The following IZUMO4 variants were observed in gnomAD, a reference collection of about 807,000 sequenced individuals.
IZUMO4 encodes IZUMO family member 4.
A neutral mutation model predicts 37.1 loss-of-function variants in IZUMO4; 51 were observed. The ratio of observed to expected loss-of-function variants is 1.38; its 90% confidence interval spans 1.10 to 1.74. The LOEUF is 1.74. Ranked by LOEUF, IZUMO4 falls within the 40% of genes most tolerant of loss-of-function variation. The probability of loss-of-function intolerance (pLI) is 0.00; values close to 1 mark genes in which losing one functional copy is unlikely to be tolerated. For missense variants in IZUMO4, 364 were observed against 299.6 expected, an observed-to-expected ratio of 1.21 and a Z score of -1.59; for synonymous variants, 162 against 121.4, an observed-to-expected ratio of 1.33 and a Z score of -2.20.
At position 2,099,400 on chromosome 19, in the gene IZUMO4, C is replaced by A; in HGVS notation, c.*55C>A. The A allele has an allele frequency of 7.8e-7, 1 of 1,280,580 alleles. No homozygotes were observed. 79.3% of individuals were successfully genotyped at this position (1,280,580 alleles called of 1,614,324 possible). On this transcript the variant is annotated 3_prime_UTR_variant, in exon 10 of 10. Transcript: ENST00000395301. Reference sequence around the variant, plus strand: ...GGGGGCGGAGACTCAGCTGGACAGCCCCTGCCTGTCACTCTGGAGCTGGGC... The same window carrying A: ...GGGGGCGGAGACTCAGCTGGACAGCACCTGCCTGTCACTCTGGAGCTGGGC...
chr19:2,098,189 C>G (rs1167262535), intron 5 of IZUMO4, 62 bp downstream of exon 5: 6 of 1,611,222 alleles, frequency 3.7e-6, no homozygotes, highest in South Asian at 3.3e-5. Flanking sequence ...GTCCCAGGCT[C>G]TCCTTGGAGG....
chr19:2,098,712 CAGAGCCTGGGAGGGTTCCCTACGATG>C, intron 7 of IZUMO4, 49 bp from the exon 8 acceptor site: 1 of 1,588,360 alleles, frequency 6.3e-7, no homozygotes, highest in East Asian at 2.2e-5. Flanking sequence ...GGTCTGTGGT[CAGAGCCTGGGAGGGTTCCCTACGATG>C]GTTAGGGGTG....
chr19:2,096,969 G>C lies in IZUMO4; in HGVS notation c.24G>C (p.Val8=), dbSNP rs774491204. The change falls in exon 1 of 10, where the codon GTG becomes GTC. Residue 8 remains valine, a synonymous_variant. Transcript: ENST00000395301. Reference sequence around the variant, plus strand: ...GCATGGCCCTGCTGCTGTGCCTGGTGTGCCTGACGGCGGCGCTGGCCCACG... The same window carrying C: ...GCATGGCCCTGCTGCTGTGCCTGGTCTGCCTGACGGCGGCGCTGGCCCACG... MALLLCL[V]CLTAALAHGC... The C allele has an allele frequency of 8.1e-6, 13 of 1,607,604 alleles. No individual in the cohort carries two copies. The highest frequency in any genetic ancestry group is 1.7e-5 in the Admixed American group (1 of 59,990).
intron 3 of IZUMO4, 95 bp from the exon 4 acceptor site, chr19:2,097,834 G>T: frequency 2.0e-6 from 3 of 1,488,346 alleles, no homozygotes; most frequent in Non-Finnish European, 2.8e-6. Flanking sequence ...CCCCAGTGCC[G>T]AGGGACAGGC....
chr19:2,098,463 C>T lies in IZUMO4; in HGVS notation c.536+13C>T. 6.2e-7 allele frequency: 1 copy of T among 1,613,878 alleles called. No homozygotes were observed. Among genetic ancestry groups the T allele is most frequent in the South Asian group, 1.1e-5 (1 of 91,084 alleles). On this transcript the variant is annotated intron_variant, in intron 7 of 9. Transcript: ENST00000395301. ...ATAACTGGCACAAGTAAGTCCCCTC[C>T]TCAAACCAACACAGGCAGTGTGTGT...
intron 5 of IZUMO4, 60 bp downstream of exon 5, chr19:2,098,187 C>A: frequency 6.2e-7 from 1 of 1,610,206 alleles, no homozygotes; most frequent in Non-Finnish European, 8.5e-7. Flanking sequence ...GGGTCCCAGG[C>A]TCTCCTTGGA....
intron 3 of IZUMO4, 66 bp from the exon 4 acceptor site, chr19:2,097,863 T>C (rs2017755576): frequency 6.3e-7 from 1 of 1,595,606 alleles, no homozygotes. Flanking sequence ...TTTGGAGGGT[T>C]GGGAGGAGGC....
Position 2,098,984 on chromosome 19 carries a change from C to A in IZUMO4, c.563C>A (p.Ser188Tyr). Residue 188 changes from serine (S) to tyrosine (Y), a missense_variant, in exon 9 of 10, where the codon TCC (serine) becomes TAC (tyrosine). Transcript: ENST00000395301. ...GGTGGTTTCATGAACAGACCACGCT[C>A]CTCTGCCTTCTCCTGGCCTGGGACA... Reference protein sequence around the residue: ...HKQDTSMRPRSSAFSWPGTHR... With the variant: ...HKQDTSMRPRYSAFSWPGTHR... 1 of 1,613,178 alleles carries A rather than the reference C, an allele frequency of 6.2e-7. No individual in the cohort carries two copies. The highest frequency in any genetic ancestry group is 1.1e-5 in the South Asian group (1 of 91,082).
At chr19:2,097,721 C>T (rs757534931) in intron 3 of IZUMO4, 12 of 699,356 alleles carry the variant, frequency 1.7e-5, no homozygotes, top group South Asian at 5.3e-5. Context: ...GTGTTGCCAC[C>T]GCCCTCCCCT....
rs374135300 is a variant in IZUMO4, at chr19:2,097,247, C to G, written c.218-5C>G. ...CGGTCACCTGGCTTCTCCTCCTGCC[C>G]GCAGCCCGGGAGAAGCTGGACCAAG... On this transcript the variant is annotated splice_polypyrimidine_tract_variant and splice_region_variant and intron_variant, in intron 1 of 9. Transcript: ENST00000395301. 1.9e-6 allele frequency: 3 copies of G among 1,611,610 alleles called. No individual in the cohort carries two copies. Among genetic ancestry groups the G allele is most frequent in the African/African-American group, 1.3e-5 (1 of 74,914 alleles).
Position 2,097,920 on chromosome 19 carries a change from C to T in IZUMO4, c.371-9C>T. ...CCTGGTAAGATGGCGCTGTCCTGCC[C>T]TCCCACAGGCCGCATCGACTGTCAG... is the stretch of plus-strand genomic sequence containing the variant. On this transcript the variant is annotated splice_polypyrimidine_tract_variant and intron_variant, in intron 3 of 9. Coordinates refer to ENST00000395301, the MANE Select transcript of IZUMO4 (RefSeq NM_001039846.2). 3.1e-6 allele frequency: 5 copies of T among 1,612,960 alleles called. No individual in the cohort carries two copies. The highest frequency in any genetic ancestry group is 4.2e-6 in the Non-Finnish European group (5 of 1,179,932).
chr19:2,098,057 T>C lies in IZUMO4; in HGVS notation c.403T>C (p.Phe135Leu), dbSNP rs141030666. 47 of 1,613,290 alleles carry C rather than the reference T, an allele frequency of 2.9e-5. No homozygotes were observed. Among genetic ancestry groups the C allele is most frequent in the Non-Finnish European group, 3.7e-5 (44 of 1,180,000 alleles). The change falls in exon 5 of 10, where the codon TTC becomes CTC. Residue 135 changes from phenylalanine (F) to leucine (L), a missense_variant. Coordinates refer to ENST00000395301, the MANE Select transcript of IZUMO4 (RefSeq NM_001039846.2). ...RIDCQHRCGI[F>L]QYETISCNNC... ...GGCTCTTGTACGTGTTTCAGGCATCTTCCAGTACGAGACCATCTCCTGCAA... is the reference window on the plus strand; with the variant it reads ...GGCTCTTGTACGTGTTTCAGGCATCCTCCAGTACGAGACCATCTCCTGCAA...
intron 9 of IZUMO4, 24 bp downstream of exon 9, chr19:2,099,053 C>T (rs766524390): frequency 1.1e-5 from 17 of 1,608,966 alleles, no homozygotes; most frequent in Non-Finnish European, 1.4e-5. Context: ...AGAAGGGAGG[C>T]CTCGGGAGAA....
Position 2,099,021 on chromosome 19 carries a change from C to T in IZUMO4, c.600C>T (p.Thr200=), listed in dbSNP as rs776751611. Residue 200 remains threonine, a synonymous_variant, in exon 9 of 10, where the codon ACC becomes ACT. Coordinates refer to ENST00000395301, the MANE Select transcript of IZUMO4 (RefSeq NM_001039846.2). ...CCTGGCCTGGGACACACAGAGCCACCCCGGCCTTGTGAGTGACCCAGAGAA... is the reference window on the plus strand; with the variant it reads ...CCTGGCCTGGGACACACAGAGCCACTCCGGCCTTGTGAGTGACCCAGAGAA... ...AFSWPGTHRA[T]PAFLVSPALR... 1.9e-6 allele frequency: 3 copies of T among 1,612,906 alleles called. No homozygotes were observed. The highest frequency in any genetic ancestry group is 2.2e-5 in the East Asian group (1 of 44,898).
rs772312133 is a variant in IZUMO4 at position 2,098,811 on chromosome 19, C to T, written c.554+7C>T. ...GACAGGACACGAGCATGAGGTAAGGCCGCCCTGACCTGGACTTCAGGGGGA... is the reference window on the plus strand; with the variant it reads ...GACAGGACACGAGCATGAGGTAAGGTCGCCCTGACCTGGACTTCAGGGGGA... On this transcript the variant is annotated splice_region_variant and intron_variant, in intron 8 of 9. Coordinates refer to ENST00000395301, the MANE Select transcript of IZUMO4 (RefSeq NM_001039846.2). 9.4e-6 allele frequency: 15 copies of T among 1,596,568 alleles called. No individual in the cohort carries two copies. Among genetic ancestry groups the T allele is most frequent in the Non-Finnish European group, 1.2e-5 (14 of 1,170,664 alleles).
chr19:2,097,470 C>T lies in IZUMO4; in HGVS notation c.345C>T (p.His115=), dbSNP rs974425667. The T allele has an allele frequency of 1.9e-6, 3 of 1,613,298 alleles. No homozygotes were observed. The highest frequency in any genetic ancestry group is 1.3e-5 in the African/African-American group (1 of 75,008). Residue 115 remains histidine, a synonymous_variant, in exon 3 of 10, where the codon CAC becomes CAT. Coordinates refer to ENST00000395301, the MANE Select transcript of IZUMO4 (RefSeq NM_001039846.2). ...GAAACATCTTCCGGGAGCAGGTGCA[C>T]CTCATCCAGAACGCCATCATCGAAA... ...ELRNIFREQV[H]LIQNAIIESR...
chr19:2,098,711 T>C (rs2017798756), intron 7 of IZUMO4, 76 bp from the exon 8 acceptor site: 1 of 1,587,526 alleles, frequency 6.3e-7, no homozygotes, highest in African/African-American at 1.4e-5. Flanking sequence ...AGGTCTGTGG[T>C]CAGAGCCTGG....
intron 8 of IZUMO4, 52 bp downstream of exon 8, chr19:2,098,856 A>C: frequency 2.0e-5 from 24 of 1,206,738 alleles, no homozygotes; most frequent in Non-Finnish European, 2.6e-5. Flanking sequence ...GGGAGAGAGG[A>C]GGGGGGCTAG....
At position 2,097,915 on chromosome 19, in the gene IZUMO4, C is replaced by T; in HGVS notation, c.371-14C>T. The T allele has an allele frequency of 1.9e-6, 3 of 1,612,914 alleles. No homozygotes were observed. Among genetic ancestry groups the T allele is most frequent in the Non-Finnish European group, 2.5e-6 (3 of 1,179,910 alleles). On this transcript the variant is annotated splice_polypyrimidine_tract_variant and intron_variant, in intron 3 of 9. Transcript: ENST00000395301. Reference sequence around the variant, plus strand: ...CTGGGCCTGGTAAGATGGCGCTGTCCTGCCCTCCCACAGGCCGCATCGACT... The same window carrying T: ...CTGGGCCTGGTAAGATGGCGCTGTCTTGCCCTCCCACAGGCCGCATCGACT...
Sources: gnomAD v4.1 joint callset for allele counts on GRCh38, gnomAD v4.1.1 for gene constraint, MANE v1.5 for transcripts, NCBI Gene and HGNC (gene_info 2026-07-23, HGNC 2026-07-21) for gene names.